The following ZNF564 variants were observed in gnomAD, a reference collection of about 807,000 sequenced individuals.
The protein encoded by ZNF564 is zinc finger protein 564.
Under a neutral mutation model 10.5 loss-of-function variants are expected in ZNF564, and 5 were observed. The ratio of observed to expected loss-of-function variants is 0.48; its 90% CI spans 0.25 to 1.00. The LOEUF is 1.00. ZNF564 is among the 50% of genes least tolerant of loss of function. The probability of loss-of-function intolerance (pLI) is 0.16; values close to 1 mark genes in which losing one functional copy is unlikely to be tolerated. For synonymous variants in ZNF564, 242 were observed against 218.1 expected (o/e 1.11, Z -0.97); for missense variants, 603 against 669.7 (o/e 0.90, Z 1.10).
chr19:12,535,099 T>C (rs2021884000), intron 1 of ZNF564, among the ~76,000 whole-genome samples: 2 of 151,862 alleles, frequency 1.3e-5, no homozygotes, highest in East Asian at 2.0e-4. Flanking sequence ...CTGGGCCAGG[T>C]GTGGTGGCTC....
In ZNF564 at chr19:12,537,676, T is replaced by G. The variant is rs184995966; in HGVS notation, c.4-8980A>C. On this transcript the variant is annotated intron_variant, in intron 1 of 3. Coordinates refer to ENST00000339282, the MANE Select transcript of ZNF564 (RefSeq NM_144976.4). ...TCACTTGAACCCGGGAGGCGGAGGT[T>G]GCGGTGAGCCGAGATTTCGCCATTG... Among the ~76,000 whole-genome samples the G allele has an allele frequency of 4.1e-3, 606 of 146,212 alleles. 4 individuals are homozygous for G. The highest frequency in any genetic ancestry group is 0.015 in the African/African-American group (580 of 39,644).
intron 1 of ZNF564, among the ~76,000 whole-genome samples, chr19:12,532,639 T>C (rs893386701): frequency 1.3e-5 from 2 of 151,166 alleles, no homozygotes; most frequent in African/African-American, 4.9e-5. Flanking sequence ...GGTAGATTGC[T>C]GCAGCCTGGG....
chr19:12,548,629 C>T (rs1020811119), intron 1 of ZNF564: 13 of 556,364 alleles, frequency 2.3e-5, no homozygotes, highest in African/African-American at 2.3e-4. Flanking sequence ...CGTCAGCCAT[C>T]GCGGCTGGCA....
chr19:12,545,278 A>AAG (rs533493567), intron 1 of ZNF564, among the ~76,000 whole-genome samples: 6 of 151,544 alleles, frequency 4.0e-5, no homozygotes, highest in African/African-American at 1.5e-4. Flanking sequence ...AAAAAAAAAA[A>AAG]AAAAGAAATG....
At chr19:12,528,234 TTTAC>T in intron 3 of ZNF564, 66 bp downstream of exon 3, 1 of 1,418,190 alleles carries the variant, frequency 7.1e-7, no homozygotes, top group South Asian at 1.2e-5. Context: ...TACTGGTTTG[TTTAC>T]TTATTTTTAA....
rs571993699 is a variant in ZNF564 at position 12,544,493 on chromosome 19, T to C, written c.3+6837A>G. Among the ~76,000 whole-genome samples the C allele has an allele frequency of 7.9e-5, 12 of 152,270 alleles. No individual in the cohort carries two copies. The East Asian group carries it at 2.1e-3, about 27-fold the overall frequency. On this transcript the variant is annotated intron_variant, in intron 1 of 3. Transcript: ENST00000339282. ...GGGCTTAGTCACCCTTAATACAGTT[T>C]CCAGTTCTACGCCTCCTCCCATTTC...
chr19:12,549,036 G>C (rs919337716), intron 1 of ZNF564, among the ~76,000 whole-genome samples: 1 of 147,122 alleles, frequency 6.8e-6, no homozygotes, highest in Non-Finnish European at 1.5e-5. Flanking sequence ...TCACCCAAAA[G>C]AAGAAAATAG....
At chr19:12,548,047 A>T in intron 1 of ZNF564, 3 of 457,004 alleles carry the variant, frequency 6.6e-6, no homozygotes, top group Non-Finnish European at 8.6e-6. Flanking sequence ...ACCTCAGGTG[A>T]TCCACCCACC....
Position 12,525,604 on chromosome 19 carries a change from T to C in ZNF564, c.*842A>G, listed in dbSNP as rs768913466. On this transcript the variant is annotated 3_prime_UTR_variant, in exon 4 of 4. Coordinates refer to ENST00000339282, the MANE Select transcript of ZNF564 (RefSeq NM_144976.4). ...GATGTCGAGCATTGTTACGTGCTTA[T>C]TGGCCATCTGGGTATCTTCTTTGGA... is the stretch of plus-strand genomic sequence containing the variant. 2 of 152,256 alleles carry C rather than the reference T, an allele frequency of 1.3e-5. No individual in the cohort carries two copies. Among genetic ancestry groups the C allele is most frequent in the South Asian group, 2.1e-4 (1 of 4,836 alleles). 9.4% of individuals were successfully genotyped at this position (152,256 alleles called of 1,614,324 possible).
chr19:12,538,099 T>C (rs1456161053), intron 1 of ZNF564, among the ~76,000 whole-genome samples: 1 of 152,100 alleles, frequency 6.6e-6, no homozygotes, highest in African/African-American at 2.4e-5. Context: ...TAAAAAATAA[T>C]AGTAAGTTAA....
At chr19:12,537,808 C>T (rs2061815881) in intron 1 of ZNF564, among the ~76,000 whole-genome samples, 1 of 151,278 alleles carries the variant, frequency 6.6e-6, no homozygotes, top group South Asian at 2.1e-4. Flanking sequence ...TGTTCAGTGA[C>T]AATGTATAAA....
intron 1 of ZNF564, among the ~76,000 whole-genome samples, chr19:12,536,288 C>T (rs2021911597): frequency 6.6e-6 from 1 of 152,060 alleles, no homozygotes. Flanking sequence ...GTGATCCTTC[C>T]ACCTCAGCCT....
intron 2 of ZNF564, 91 bp from the exon 3 acceptor site, chr19:12,528,455 C>G (rs1029971837): frequency 1.3e-5 from 20 of 1,574,958 alleles, no homozygotes; most frequent in Middle Eastern, 1.7e-4. Context: ...GCAAACAACC[C>G]TGATTTATTC....
chr19:12,536,006 C>T (rs1158179110), intron 1 of ZNF564, among the ~76,000 whole-genome samples: 7 of 115,796 alleles, frequency 6.0e-5, no homozygotes, highest in South Asian at 2.6e-4. Flanking sequence ...AGCGTGACTC[C>T]GTCTCAAAAA....
At chr19:12,540,318 T>C (rs1353385995) in intron 1 of ZNF564, among the ~76,000 whole-genome samples, 1 of 152,232 alleles carries the variant, frequency 6.6e-6, no homozygotes, top group African/African-American at 2.4e-5. Context: ...TTATGTAGTT[T>C]CCTCATATGC....
Position 12,551,464 on chromosome 19 carries a change from G to T in ZNF564, c.-132C>A. ...GCGGAGACCGGAACCCAAACGCAGC[G>T]GACACGAAACAGGAAGACCCCGCGG... is the stretch of plus-strand genomic sequence containing the variant. On this transcript the variant is annotated 5_prime_UTR_variant, in exon 1 of 4. Transcript: ENST00000339282. 1 of 1,428,884 alleles carries T rather than the reference G, an allele frequency of 7.0e-7. No individual in the cohort carries two copies. The highest frequency in any genetic ancestry group is 9.2e-7 in the Non-Finnish European group (1 of 1,091,734). 88.5% of individuals were successfully genotyped at this position (1,428,884 alleles called of 1,614,324 possible).
rs201996505 is a variant in ZNF564, at chr19:12,527,524, C to G, written c.584G>C (p.Gly195Ala). ...RRHMIKHTGD[G>A]PYKCQECGKA... ...CCCACATTCCTGACATTTATATGGT[C>G]CATCTCCAGTGTGCTTAATCATGTG... The change falls in exon 4 of 4, where the codon GGA becomes GCA. Residue 195 changes from glycine to alanine, a missense_variant. By Grantham distance (60) the Gly-to-Ala change is moderately conservative. Coordinates refer to ENST00000339282, the MANE Select transcript of ZNF564 (RefSeq NM_144976.4). 28 of 1,613,852 alleles carry G rather than the reference C, an allele frequency of 1.7e-5. No homozygotes were observed. The highest frequency in any genetic ancestry group is 2.2e-5 in the Non-Finnish European group (26 of 1,179,974).
chr19:12,526,738 G>A lies in ZNF564; in HGVS notation c.1370C>T (p.Ala457Val). 1 of 1,614,156 alleles carries A rather than the reference G, an allele frequency of 6.2e-7. No individual in the cohort carries two copies. The highest frequency in any genetic ancestry group is 8.5e-7 in the Non-Finnish European group (1 of 1,180,034). Residue 457 changes from alanine to valine, a missense_variant, in exon 4 of 4, where the codon GCC becomes GTC. Transcript: ENST00000339282. ...GPYKCQVCGK[A>V]FDCPSSVRTH... Reference sequence around the variant, plus strand: ...TCGGACAGAACTAGGACAGTCAAAGGCTTTACCACATACCTGACATTTATA... The same window carrying A: ...TCGGACAGAACTAGGACAGTCAAAGACTTTACCACATACCTGACATTTATA...
chr19:12,548,874 AAGATATTTTAG>A, intron 1 of ZNF564: 1 of 702,738 alleles, frequency 1.4e-6, no homozygotes. Flanking sequence ...TGCAAAGGAG[AAGATATTTTAG>A]AGAATCTCTG....
Sources: allele counts gnomAD v4.1 joint callset (sites outside exome capture counted in the v4.1 genomes callset), GRCh38; gene constraint gnomAD v4.1.1; transcripts MANE v1.5; gene names NCBI Gene and HGNC (gene_info 2026-07-23, HGNC 2026-07-21).